ITPR2: variants seen among roughly 807,000 people sequenced by gnomAD.
ITPR2 encodes inositol 1,4,5-trisphosphate-gated calcium channel ITPR2.
Under a neutral mutation model 317.1 loss-of-function variants are expected in ITPR2, and 207 were observed. The ratio of observed to expected loss-of-function variants is 0.65; its 90% CI spans 0.58 to 0.73. The LOEUF (loss-of-function observed/expected upper bound fraction) is 0.73, where lower values mean the gene tolerates loss of function less well. ITPR2 is among the 30% of genes least tolerant of loss of function. The pLI is 0.00. For synonymous variants in ITPR2, 1,156 were observed against 1,149.1 expected (o/e 1.01, Z -0.12); for missense variants, 2,613 against 3,284.0 (o/e 0.80, Z 4.99).
chr12:26,569,143 A>C (rs1438157425), intron 34 of ITPR2, among the ~76,000 whole-genome samples: 1 of 152,220 alleles, frequency 6.6e-6, no homozygotes, highest in Non-Finnish European at 1.5e-5. Context: ...GAATTCAAAA[A>C]ACATCTTAGA....
At chr12:26,356,184 G>C (rs1938631232) in intron 55 of ITPR2, among the ~76,000 whole-genome samples, 1 of 152,198 alleles carries the variant, frequency 6.6e-6, no homozygotes, top group Non-Finnish European at 1.5e-5. Context: ...ACAGGGTGGT[G>C]CACAGCTGGA....
intron 37 of ITPR2, among the ~76,000 whole-genome samples, chr12:26,530,407 C>T (rs1219179682): frequency 6.6e-6 from 1 of 152,184 alleles, no homozygotes; most frequent in Non-Finnish European, 1.5e-5. Context: ...GTTTGTGTTG[C>T]CAACAGTCAT....
chr12:26,637,664 C>A (rs1025054240), intron 21 of ITPR2, among the ~76,000 whole-genome samples: 1 of 152,158 alleles, frequency 6.6e-6, no homozygotes, highest in African/African-American at 2.4e-5. Context: ...TAGAGGACAT[C>A]TGCATGCTTT....
At chr12:26,393,151 G>A (rs1939897774) in intron 54 of ITPR2, among the ~76,000 whole-genome samples, 1 of 152,016 alleles carries the variant, frequency 6.6e-6, no homozygotes, top group Non-Finnish European at 1.5e-5. Flanking sequence ...TCCTACTCTG[G>A]GTGTCCCTTG....
At chr12:26,354,645 G>A (rs1938576386) in intron 55 of ITPR2, among the ~76,000 whole-genome samples, 2 of 152,110 alleles carry the variant, frequency 1.3e-5, no homozygotes, top group African/African-American at 4.8e-5. Context: ...CCCAGCAAGA[G>A]GAAGAGAGTT....
chr12:26,699,480 G>A (rs1948407282), intron 9 of ITPR2, among the ~76,000 whole-genome samples: 2 of 152,158 alleles, frequency 1.3e-5, no homozygotes, highest in South Asian at 4.1e-4. Flanking sequence ...ATGACTCTAT[G>A]TCAATAAATT....
At chr12:26,791,354 C>G (rs954844122) in intron 1 of ITPR2, among the ~76,000 whole-genome samples, 12 of 150,454 alleles carry the variant, frequency 8.0e-5, no homozygotes, top group African/African-American at 2.4e-4. Context: ...GGGAGATGCC[C>G]AAATTGCAAC....
intron 49 of ITPR2, among the ~76,000 whole-genome samples, chr12:26,424,317 A>T (rs562433404): frequency 4.3e-4 from 64 of 150,518 alleles, no homozygotes; most frequent in Admixed American, 9.9e-4. Context: ...AAAGTGTAGA[A>T]CTCTGATGGT....
At chr12:26,755,348 T>A (rs1949501520) in intron 2 of ITPR2, among the ~76,000 whole-genome samples, 1 of 152,036 alleles carries the variant, frequency 6.6e-6, no homozygotes, top group South Asian at 2.1e-4. Context: ...GATTGTGACA[T>A]CAGAAAAAAA....
In ITPR2 at chr12:26,493,897, T is replaced by C. The variant is rs1942868978; in HGVS notation, c.5370+256A>G. 1.5e-5 allele frequency: 5 copies of C among 326,070 alleles called. 1 individual carries two copies. In the South Asian group the frequency reaches 2.9e-4, roughly 19 times the overall value. The allele number at this position is 326,070 out of a possible 1,614,324, so 20.2% of individuals were successfully genotyped here. A position where few individuals can be genotyped will look rare whatever the true frequency, so the allele number is the denominator to read the frequency against. On this transcript the variant is annotated intron_variant, in intron 39 of 56. Coordinates refer to ENST00000381340, the MANE Select transcript of ITPR2 (RefSeq NM_002223.4). Reference sequence around the variant, plus strand: ...CTAATCTCCTGTGTGCAGGTGAGCATATTGCTCACTGTTGTGGAATTCCTG... The same window carrying C: ...CTAATCTCCTGTGTGCAGGTGAGCACATTGCTCACTGTTGTGGAATTCCTG...
chr12:26,804,379 C>T (rs1055603898), intron 1 of ITPR2, among the ~76,000 whole-genome samples: 6 of 152,152 alleles, frequency 3.9e-5, no homozygotes, highest in African/African-American at 7.2e-5. Flanking sequence ...CTAATTGTGG[C>T]TAGAATGACA....
At chr12:26,509,544 T>TCC (rs1943272919) in intron 37 of ITPR2, among the ~76,000 whole-genome samples, 1 of 151,812 alleles carries the variant, frequency 6.6e-6, no homozygotes, top group Non-Finnish European at 1.5e-5. Flanking sequence ...AGCTGCTATT[T>TCC]CATAAAGTTC....
intron 21 of ITPR2, among the ~76,000 whole-genome samples, chr12:26,650,205 A>G (rs181338648): frequency 2.2e-4 from 33 of 152,294 alleles, no homozygotes; most frequent in Admixed American, 1.6e-3. Flanking sequence ...CAAGGTAACA[A>G]CTTTTCCAAG....
At chr12:26,390,236 T>C (rs1939790842) in intron 54 of ITPR2, among the ~76,000 whole-genome samples, 1 of 152,180 alleles carries the variant, frequency 6.6e-6, no homozygotes, top group Non-Finnish European at 1.5e-5. Flanking sequence ...AGTTACCATA[T>C]AACTAAGCAT....
At chr12:26,608,683 G>A (rs904041402) in intron 26 of ITPR2, among the ~76,000 whole-genome samples, 7 of 152,114 alleles carry the variant, frequency 4.6e-5, no homozygotes, top group Non-Finnish European at 7.4e-5. Flanking sequence ...CCCTCTGCCC[G>A]GCTGCTGTGC....
At chr12:26,411,232 A>G in intron 52 of ITPR2, 88 bp downstream of exon 52, 1 of 817,352 alleles carries the variant, frequency 1.2e-6, no homozygotes, top group Non-Finnish European at 2.0e-6. Flanking sequence ...TGAAATTTGT[A>G]GAGCAATTCC....
chr12:26,400,237 C>T lies in ITPR2; in HGVS notation c.7421G>A (p.Gly2474Glu), dbSNP rs1940129938. 6 of 1,585,794 alleles carry T rather than the reference C, an allele frequency of 3.8e-6. No homozygotes were observed. The highest frequency in any genetic ancestry group is 5.2e-6 in the Non-Finnish European group (6 of 1,162,214). ...SNTADEEYEDGIERTCDTLLM... is the reference protein window; with the variant it reads ...SNTADEEYEDEIERTCDTLLM... Reference sequence around the variant, plus strand: ...GAGAGTGTCACACGTCCTTTCAATTCCATCTTCATACTCTTCATCAGCTAT... The same window carrying T: ...GAGAGTGTCACACGTCCTTTCAATTTCATCTTCATACTCTTCATCAGCTAT... The change falls in exon 53 of 57, where the codon GGA becomes GAA. Residue 2474 changes from glycine to glutamate, a missense_variant. Transcript: ENST00000381340.
intron 2 of ITPR2, among the ~76,000 whole-genome samples, chr12:26,771,537 C>T (rs775713746): frequency 6.6e-6 from 1 of 152,062 alleles, no homozygotes; most frequent in South Asian, 2.1e-4. Flanking sequence ...TTTTTTGAAA[C>T]GGAGTCTCCC....
At chr12:26,661,078 A>G (rs1947484011) in intron 15 of ITPR2, among the ~76,000 whole-genome samples, 1 of 151,992 alleles carries the variant, frequency 6.6e-6, no homozygotes, top group South Asian at 2.1e-4. Context: ...TTTCCCAGCT[A>G]TCACTGAGAT....
Sources: gnomAD v4.1 joint callset for allele counts (sites outside exome capture counted in the v4.1 genomes callset) on GRCh38, gnomAD v4.1.1 for gene constraint, MANE v1.5 for transcripts, NCBI Gene and HGNC (gene_info 2026-07-23, HGNC 2026-07-21) for gene names.